OLAH: variants seen among roughly 807,000 people sequenced by gnomAD.
The protein encoded by OLAH is oleoyl-ACP hydrolase, also known as S-acyl fatty acid synthase thioesterase, medium chain.
Under a neutral mutation model 27.8 loss-of-function variants are expected in OLAH, and 33 were observed. That is an observed-to-expected ratio of 1.19 (90% confidence interval 0.90 to 1.59). The LOEUF (loss-of-function observed/expected upper bound fraction) is 1.59, where lower values mean the gene tolerates loss of function less well. Ranked by LOEUF, OLAH falls within the 40% of genes most tolerant of loss-of-function variation. The pLI is 0.00. For missense variants in OLAH, 359 were observed against 310.8 expected, an observed-to-expected ratio of 1.16 and a Z score of -1.17; for synonymous variants, 120 against 102.9, an observed-to-expected ratio of 1.17 and a Z score of -1.01.
rs561067226 is a variant in OLAH, at chr10:15,066,716, C to T, written c.572+963C>T. 3.3e-5 allele frequency among the ~76,000 whole-genome samples: 5 copies of T among 152,036 alleles called. No individual in the cohort carries two copies. The South Asian group carries it at 1.0e-3, about 32-fold the overall frequency. Reference sequence around the variant, plus strand: ...AGTGCAGTGGTGTGATCTTGGCTCACTGCAACCTCCGTCTTCCAGGTTCAA... The same window carrying T: ...AGTGCAGTGGTGTGATCTTGGCTCATTGCAACCTCCGTCTTCCAGGTTCAA... On this transcript the variant is annotated intron_variant, in intron 6 of 7. Transcript: ENST00000378228.
At chr10:15,049,904 G>T in intron 3 of OLAH, 139 bp downstream of exon 3, 1 of 767,496 alleles carries the variant, frequency 1.3e-6, no homozygotes. Flanking sequence ...TCAATAGGGT[G>T]ACTTTTATGT....
At chr10:15,071,985 G>C in intron 7 of OLAH, 108 bp downstream of exon 7, 3 of 729,476 alleles carry the variant, frequency 4.1e-6, no homozygotes. Context: ...CCAGGCTGGA[G>C]TGCAATGGCG....
chr10:15,053,023 G>C (rs1844177431), intron 3 of OLAH, among the ~76,000 whole-genome samples: 1 of 152,144 alleles, frequency 6.6e-6, no homozygotes, highest in Non-Finnish European at 1.5e-5. Flanking sequence ...TTACAGGTGT[G>C]AGCCACTGTG....
intron 3 of OLAH, among the ~76,000 whole-genome samples, chr10:15,056,600 T>TATTTCTTTCCTTC (rs1480180059): frequency 1.3e-5 from 2 of 151,960 alleles, no homozygotes; most frequent in Admixed American, 1.3e-4. Context: ...TTCTTTCCTT[T>TATTTCTTTCCTTC]CTTTCTTTCC....
chr10:15,037,510 G>A (rs1227172581), intron 1 of OLAH, among the ~76,000 whole-genome samples: 3 of 152,078 alleles, frequency 2.0e-5, no homozygotes, highest in Non-Finnish European at 4.4e-5. Context: ...GAACCTGGAA[G>A]GCGGAGGTTG....
At chr10:15,033,054 T>A (rs1032876768) in intron 1 of OLAH, among the ~76,000 whole-genome samples, 1 of 150,498 alleles carries the variant, frequency 6.6e-6, no homozygotes, top group Non-Finnish European at 1.5e-5. Context: ...TTTTTTTTTT[T>A]AAAGTAGAGA....
At chr10:15,060,889 T>C (rs983938469) in intron 3 of OLAH, among the ~76,000 whole-genome samples, 1 of 152,194 alleles carries the variant, frequency 6.6e-6, no homozygotes, top group African/African-American at 2.4e-5. Context: ...TACAGTGTGT[T>C]AGACTTTGCT....
In OLAH at chr10:15,064,439, T is replaced by C. The variant is rs1194240168; in HGVS notation, c.339T>C (p.Gly113=). 3.7e-6 allele frequency: 6 copies of C among 1,602,208 alleles called. No homozygotes were observed. The Admixed American group carries it at 1.0e-4, about 28-fold the overall frequency. ...ACATTGCTTTTAGGACTGCACTAGG[T>C]CTAAAAGAAAACAATCAACCAGAAC... ...GSYIAFRTAL[G]LKENNQPEPL... Residue 113 remains glycine, a synonymous_variant, in exon 5 of 8, where the codon GGT becomes GGC. Coordinates refer to ENST00000378228, the MANE Select transcript of OLAH (RefSeq NM_001039702.3).
intron 6 of OLAH, among the ~76,000 whole-genome samples, chr10:15,069,853 G>A (rs555917279): frequency 3.3e-5 from 5 of 152,122 alleles, no homozygotes; most frequent in African/African-American, 9.6e-5. Context: ...GCAATAGAGC[G>A]AGACTCCATC....
At chr10:15,060,421 C>T (rs1023498074) in intron 3 of OLAH, among the ~76,000 whole-genome samples, 3 of 152,076 alleles carry the variant, frequency 2.0e-5, no homozygotes, top group Non-Finnish European at 2.9e-5. Flanking sequence ...CGGCCCACCT[C>T]GGCCTGCCAA....
intron 3 of OLAH, among the ~76,000 whole-genome samples, chr10:15,054,407 AT>A (rs1844206125): frequency 6.6e-6 from 1 of 152,202 alleles, no homozygotes; most frequent in African/African-American, 2.4e-5. Context: ...AGTCTGCCTT[AT>A]GCCCCTTGGT....
At chr10:15,039,881 A>T (rs886604088), upstream of OLAH, among the ~76,000 whole-genome samples, 7 of 152,162 alleles carry the variant, frequency 4.6e-5, no homozygotes, top group African/African-American at 1.7e-4. Context: ...ATGAGGAATC[A>T]AAAAGGTCCC....
Position 15,034,696 on chromosome 10 carries a change from G to A in OLAH, c.-164+2346G>A, listed in dbSNP as rs118039462. On this transcript the variant is annotated intron_variant, in intron 1 of 3. Coordinates refer to the OLAH transcript ENST00000413672. ...ATCAGTTATGGTCTTGGGAGCTCAC[G>A]GTGGGTTCCACTGTGGCCTATGCCA... 1.3e-4 allele frequency among the ~76,000 whole-genome samples: 20 copies of A among 152,298 alleles called. No individual in the cohort carries two copies. In the East Asian group the frequency reaches 1.4e-3, roughly 10 times the overall value.
At chr10:15,040,127 G>T (rs571599309), upstream of OLAH, among the ~76,000 whole-genome samples, 21 of 152,182 alleles carry the variant, frequency 1.4e-4, no homozygotes, top group African/African-American at 4.1e-4. Flanking sequence ...TTCCAGTCCT[G>T]GGGCCTCTTT....
chr10:15,056,390 C>T (rs1289386523), intron 3 of OLAH, among the ~76,000 whole-genome samples: 1 of 151,970 alleles, frequency 6.6e-6, no homozygotes, highest in Non-Finnish European at 1.5e-5. Context: ...AATTGTTCTC[C>T]AAAGGAATTA....
chr10:15,036,606 T>A (rs1843844033), intron 1 of OLAH, among the ~76,000 whole-genome samples: 1 of 152,110 alleles, frequency 6.6e-6, no homozygotes, highest in Non-Finnish European at 1.5e-5. Context: ...CTCCCCTCCT[T>A]GGCCTCCTGA....
At chr10:15,037,114 T>C (rs1299658748) in intron 1 of OLAH, among the ~76,000 whole-genome samples, 1 of 149,274 alleles carries the variant, frequency 6.7e-6, no homozygotes, top group Non-Finnish European at 1.5e-5. Context: ...AAACAAACAG[T>C]CTTGAAATCG....
At chr10:15,057,184 A>G (rs1047982544) in intron 3 of OLAH, among the ~76,000 whole-genome samples, 2 of 151,916 alleles carry the variant, frequency 1.3e-5, no homozygotes, top group African/African-American at 4.8e-5. Context: ...TTATTTGCCT[A>G]TTTTTCTTCT....
chr10:15,033,602 C>T (rs945551834), intron 1 of OLAH, among the ~76,000 whole-genome samples: 4 of 152,106 alleles, frequency 2.6e-5, no homozygotes, highest in South Asian at 2.1e-4. Context: ...TAATTTATAA[C>T]GAACGGAAGT....
Sources: gnomAD v4.1 joint callset for allele counts (sites outside exome capture counted in the v4.1 genomes callset) on GRCh38, gnomAD v4.1.1 for gene constraint, MANE v1.5 for transcripts, NCBI Gene and HGNC (gene_info 2026-07-23, HGNC 2026-07-21) for gene names.